DCC: variants seen among roughly 807,000 people sequenced by gnomAD.
DCC encodes netrin receptor DCC.
In DCC, 58 loss-of-function variants were observed where a neutral mutation model predicts 172.5. The ratio of observed to expected loss-of-function variants is 0.34; its 90% CI spans 0.27 to 0.42. DCC has a LOEUF of 0.42. Ranked by LOEUF, DCC falls within the 10% of genes least tolerant of loss-of-function variation. The pLI is 1.00. For missense variants in DCC, 1,740 were observed against 1,791.0 expected, an observed-to-expected ratio of 0.97 and a Z score of 0.51; for synonymous variants, 709 against 644.5, an observed-to-expected ratio of 1.10 and a Z score of -1.52.
intron 9 of DCC, among the ~76,000 whole-genome samples, chr18:53,204,864 G>A (rs139380557): frequency 3.8e-4 from 58 of 152,206 alleles, no homozygotes. Context: ...TATTAGCCAT[G>A]TGCAGGCAAA....
chr18:53,089,402 A>G (rs2042970070), intron 7 of DCC, among the ~76,000 whole-genome samples: 1 of 151,970 alleles, frequency 6.6e-6, no homozygotes. Context: ...ATGTATTTTT[A>G]AGTAATTTTT....
intron 5 of DCC, among the ~76,000 whole-genome samples, chr18:53,052,285 C>T (rs754132060): frequency 6.6e-6 from 1 of 151,976 alleles, no homozygotes; most frequent in Non-Finnish European, 1.5e-5. Flanking sequence ...TAAATGAATC[C>T]ATTGTGTGAA....
At chr18:52,611,795 A>G (rs1292583228) in intron 1 of DCC, among the ~76,000 whole-genome samples, 1 of 152,198 alleles carries the variant, frequency 6.6e-6, no homozygotes, top group Non-Finnish European at 1.5e-5. Flanking sequence ...AATAAATTAC[A>G]TGATATACTA....
intron 2 of DCC, among the ~76,000 whole-genome samples, chr18:52,838,819 G>T (rs187404110): frequency 2.6e-5 from 4 of 152,204 alleles, no homozygotes; most frequent in African/African-American, 7.2e-5. Context: ...ATGGAAACAC[G>T]AACTAAAATA....
chr18:52,862,601 G>A (rs1039169932), intron 2 of DCC, among the ~76,000 whole-genome samples: 5 of 152,030 alleles, frequency 3.3e-5, no homozygotes, highest in African/African-American at 7.2e-5. Flanking sequence ...GGGAGGTTGA[G>A]GCAGGAGAAT....
chr18:53,313,908 G>C (rs1423248463), intron 13 of DCC, among the ~76,000 whole-genome samples: 1 of 152,104 alleles, frequency 6.6e-6, no homozygotes, highest in African/African-American at 2.4e-5. Context: ...CTCTAAAATG[G>C]GACCAATCAT....
chr18:52,856,243 A>T (rs1490671509), intron 2 of DCC, among the ~76,000 whole-genome samples: 3 of 152,210 alleles, frequency 2.0e-5, no homozygotes, highest in Non-Finnish European at 4.4e-5. Flanking sequence ...ATGTGAATAT[A>T]GATAGATAAT....
intron 8 of DCC, among the ~76,000 whole-genome samples, chr18:53,161,783 A>G (rs2144410585): frequency 6.6e-6 from 1 of 152,246 alleles, no homozygotes; most frequent in African/African-American, 2.4e-5. Context: ...TTAATTTTTA[A>G]TTCTTATTAT....
intron 1 of DCC, among the ~76,000 whole-genome samples, chr18:52,677,373 G>A (rs924435347): frequency 2.0e-5 from 3 of 152,080 alleles, no homozygotes; most frequent in African/African-American, 7.2e-5. Context: ...AGGCTGTTGT[G>A]AGGCTTAAAA....
chr18:53,346,269 A>G (rs2057723635), intron 15 of DCC, among the ~76,000 whole-genome samples: 1 of 152,172 alleles, frequency 6.6e-6, no homozygotes, highest in African/African-American at 2.4e-5. Context: ...ATATAGAGGC[A>G]TAGTCATTTT....
intron 1 of DCC, among the ~76,000 whole-genome samples, chr18:52,664,310 C>A (rs1186671502): frequency 6.6e-6 from 1 of 152,042 alleles, no homozygotes; most frequent in Non-Finnish European, 1.5e-5. Context: ...GGGAGCTAGT[C>A]CAGATAGCTG....
chr18:52,715,451 C>T (rs1263361052), intron 1 of DCC, among the ~76,000 whole-genome samples: 5 of 151,882 alleles, frequency 3.3e-5, no homozygotes, highest in Non-Finnish European at 7.4e-5. Flanking sequence ...AGGCACCTGC[C>T]ACCACACCCA....
Position 53,158,837 on chromosome 18 carries a change from C to T in DCC, c.1418+1325C>T, listed in dbSNP as rs373502721. Among the ~76,000 whole-genome samples the T allele has an allele frequency of 3.7e-3, 557 of 151,542 alleles. 2 individuals are homozygous for T. Among genetic ancestry groups the T allele is most frequent in the African/African-American group, 0.013 (539 of 41,312 alleles). ...TGAAACCCTGTCTCTTCTAAAAATA[C>T]AAAAAATTAGCTGGGCATGGTGGCG... On this transcript the variant is annotated intron_variant, in intron 8 of 28. Transcript: ENST00000442544.
chr18:52,592,058 C>G (rs999899703), intron 1 of DCC, among the ~76,000 whole-genome samples: 13 of 152,132 alleles, frequency 8.5e-5, no homozygotes, highest in Non-Finnish European at 1.5e-4. Flanking sequence ...TTTTCATCTT[C>G]TAGTTGAATT....
chr18:52,466,143 G>A (rs1988777987), intron 1 of DCC, among the ~76,000 whole-genome samples: 1 of 152,122 alleles, frequency 6.6e-6, no homozygotes, highest in Non-Finnish European at 1.5e-5. Context: ...CAGATGTGTG[G>A]CTTGTTGCAA....
chr18:53,414,570 C>G (rs185884272), intron 20 of DCC, among the ~76,000 whole-genome samples: 1 of 152,138 alleles, frequency 6.6e-6, no homozygotes, highest in African/African-American at 2.4e-5. Flanking sequence ...AAACATTGGC[C>G]GGGCGTGGTG....
chr18:52,428,809 A>T (rs1337292102), intron 1 of DCC, among the ~76,000 whole-genome samples: 1 of 152,110 alleles, frequency 6.6e-6, no homozygotes, highest in Admixed American at 6.6e-5. Context: ...TTATTAATCC[A>T]ACTGTATTTT....
intron 2 of DCC, among the ~76,000 whole-genome samples, chr18:52,854,811 A>G (rs1193543651): frequency 2.0e-5 from 3 of 152,150 alleles, no homozygotes; most frequent in Admixed American, 6.5e-5. Flanking sequence ...TTCATATCCA[A>G]AGGTGTTTCC....
intron 5 of DCC, among the ~76,000 whole-genome samples, chr18:53,006,087 A>T (rs1452896691): frequency 1.3e-5 from 2 of 152,212 alleles, no homozygotes; most frequent in Non-Finnish European, 2.9e-5. Context: ...TGCAGTCCAC[A>T]TATATGTGTG....
Sources: gnomAD v4.1 joint callset for allele counts (sites outside exome capture counted in the v4.1 genomes callset) on GRCh38, gnomAD v4.1.1 for gene constraint, MANE v1.5 for transcripts, NCBI Gene and HGNC (gene_info 2026-07-23, HGNC 2026-07-21) for gene names.